DEPTOR: variants seen among roughly 807,000 people sequenced by gnomAD.
DEPTOR encodes DEP domain containing MTOR interacting protein, also known as DEP domain-containing mTOR-interacting protein.
Under a neutral mutation model 41.6 loss-of-function variants are expected in DEPTOR, and 41 were observed. That is an observed-to-expected ratio of 0.98 (90% CI 0.77 to 1.28). The LOEUF (loss-of-function observed/expected upper bound fraction) is 1.28. DEPTOR is among the 50% of genes most tolerant of loss of function. The pLI is 0.00. For synonymous variants in DEPTOR, 195 were observed against 192.3 expected (o/e 1.01, Z -0.12); for missense variants, 514 against 527.9 (o/e 0.97, Z 0.26).
intron 4 of DEPTOR, among the ~76,000 whole-genome samples, chr8:119,966,677 A>G (rs1354200952): frequency 6.6e-6 from 1 of 152,150 alleles, no homozygotes; most frequent in Non-Finnish European, 1.5e-5. Flanking sequence ...GGGATTTGCC[A>G]TGTTGGCCAG....
intron 1 of DEPTOR, among the ~76,000 whole-genome samples, chr8:119,926,204 G>C (rs1395358632): frequency 6.6e-6 from 1 of 151,936 alleles, no homozygotes. Flanking sequence ...TTCCTACCTG[G>C]TCCCTGGCAA....
chr8:119,971,033 A>T (rs1828625541), intron 4 of DEPTOR, among the ~76,000 whole-genome samples: 3 of 152,144 alleles, frequency 2.0e-5, no homozygotes, highest in Admixed American at 2.0e-4. Context: ...GATCGAGACC[A>T]TCCTGGCTAA....
At chr8:119,987,180 G>A (rs1407615862) in intron 4 of DEPTOR, among the ~76,000 whole-genome samples, 1 of 152,000 alleles carries the variant, frequency 6.6e-6, no homozygotes, top group Non-Finnish European at 1.5e-5. Flanking sequence ...ATCTACCTTT[G>A]GTCTTTGATG....
chr8:119,877,646 A>C lies in DEPTOR; in HGVS notation c.122+3678A>C, dbSNP rs370922782. On this transcript the variant is annotated intron_variant, in intron 1 of 8. Coordinates refer to ENST00000286234, the MANE Select transcript of DEPTOR (RefSeq NM_022783.4). ...CAAGGACTGGGATTTGAAATAAAAA[A>C]TTTAGCCTCTAGGCCCAGTTCTATC... 7.2e-5 allele frequency among the ~76,000 whole-genome samples: 11 copies of C among 152,350 alleles called. No individual in the cohort carries two copies. The East Asian group carries it at 1.2e-3, about 16-fold the overall frequency.
At chr8:120,044,821 C>T (rs148739570) in intron 8 of DEPTOR, among the ~76,000 whole-genome samples, 536 of 152,202 alleles carry the variant, frequency 3.5e-3, no homozygotes, top group Middle Eastern at 0.024. Flanking sequence ...TGAGAGGTTG[C>T]CTGCTATTTT....
In DEPTOR at chr8:119,994,933, A is replaced by G. The variant is rs188344320; in HGVS notation, c.605-6592A>G. ...CTCTGTCTCAAAAAAAAAAAAAGGA[A>G]AAAAGAAAAAGAAAAAAAAAAGAAG... On this transcript the variant is annotated intron_variant, in intron 4 of 8. Transcript: ENST00000286234. Among the ~76,000 whole-genome samples, 288 of 151,758 alleles carry G rather than the reference A, an allele frequency of 1.9e-3. 1 individual carries two copies. Among genetic ancestry groups the G allele is most frequent in the Middle Eastern group, 6.8e-3 (2 of 294 alleles).
chr8:120,022,815 C>T (rs951218988), intron 8 of DEPTOR, among the ~76,000 whole-genome samples: 2 of 152,004 alleles, frequency 1.3e-5, no homozygotes, highest in Admixed American at 6.6e-5. Flanking sequence ...GGATTCCAGG[C>T]GTGAGCCACT....
chr8:119,919,965 C>T (rs1827868671), intron 1 of DEPTOR, among the ~76,000 whole-genome samples: 1 of 152,170 alleles, frequency 6.6e-6, no homozygotes, highest in African/African-American at 2.4e-5. Context: ...TGTTTGTTCT[C>T]TTAGGGCTGG....
intron 4 of DEPTOR, among the ~76,000 whole-genome samples, chr8:119,966,342 T>A (rs1001293632): frequency 1.3e-5 from 2 of 152,162 alleles, no homozygotes; most frequent in African/African-American, 4.8e-5. Context: ...GGTGCACGTC[T>A]GTAATCCCGG....
intron 6 of DEPTOR, among the ~76,000 whole-genome samples, chr8:120,006,483 C>T (rs1812439744): frequency 6.6e-6 from 1 of 151,602 alleles, no homozygotes; most frequent in Non-Finnish European, 1.5e-5. Context: ...GAGATCGCAT[C>T]ATTGCACTCC....
At chr8:119,928,026 G>A (rs1351222361) in intron 1 of DEPTOR, among the ~76,000 whole-genome samples, 1 of 152,172 alleles carries the variant, frequency 6.6e-6, no homozygotes, top group Non-Finnish European at 1.5e-5. Flanking sequence ...TAAAGAGGGT[G>A]CACTTTGTTT....
intron 8 of DEPTOR, among the ~76,000 whole-genome samples, chr8:120,032,710 G>A (rs1226207495): frequency 2.0e-5 from 3 of 152,152 alleles, no homozygotes; most frequent in Non-Finnish European, 4.4e-5. Context: ...GCACCTCTGC[G>A]TCTACCTCTC....
chr8:119,910,483 C>T (rs983526687), intron 1 of DEPTOR, among the ~76,000 whole-genome samples: 4 of 151,770 alleles, frequency 2.6e-5, no homozygotes, highest in Admixed American at 6.6e-5. Context: ...GACAGAGTCC[C>T]GCTCTGTCCC....
Position 119,880,722 on chromosome 8 carries a change from T to C in DEPTOR, c.122+6754T>C, listed in dbSNP as rs185936326. ...AATATTAAACTCAATCTTTCTGACA[T>C]GTGGTTTTAAAAAGTGAATTTGGAC... On this transcript the variant is annotated intron_variant, in intron 1 of 8. Coordinates refer to ENST00000286234, the MANE Select transcript of DEPTOR (RefSeq NM_022783.4). Among the ~76,000 whole-genome samples the C allele has an allele frequency of 9.8e-5, 15 of 152,348 alleles. No homozygotes were observed. In the East Asian group the frequency reaches 2.9e-3, roughly 29 times the overall value.
chr8:120,018,345 A>T (rs913826214), intron 8 of DEPTOR, among the ~76,000 whole-genome samples: 2 of 152,200 alleles, frequency 1.3e-5, no homozygotes, highest in African/African-American at 4.8e-5. Flanking sequence ...TGGGAGGCCG[A>T]GGCAGGCGGA....
At chr8:119,923,780 C>T (rs1305072043) in intron 1 of DEPTOR, among the ~76,000 whole-genome samples, 1 of 151,766 alleles carries the variant, frequency 6.6e-6, no homozygotes, top group Non-Finnish European at 1.5e-5. Context: ...GTTCAGACCA[C>T]TTTAAGGAAA....
At chr8:120,023,579 G>A (rs1234116867) in intron 8 of DEPTOR, among the ~76,000 whole-genome samples, 1 of 152,094 alleles carries the variant, frequency 6.6e-6, no homozygotes, top group Non-Finnish European at 1.5e-5. Context: ...AAACATGAGA[G>A]TGTCTTTACT....
intron 3 of DEPTOR, among the ~76,000 whole-genome samples, chr8:119,940,640 G>A (rs895264322): frequency 6.6e-6 from 1 of 152,058 alleles, no homozygotes; most frequent in African/African-American, 2.4e-5. Flanking sequence ...CAGCTACTCA[G>A]GAGGCTGAGG....
intron 4 of DEPTOR, among the ~76,000 whole-genome samples, chr8:119,995,302 G>T (rs1178799490): frequency 6.6e-6 from 1 of 151,980 alleles, no homozygotes; most frequent in African/African-American, 2.4e-5. Context: ...TTTTCTAAAA[G>T]TAGGCCGGGC....
Sources: gnomAD v4.1 joint callset for allele counts (sites outside exome capture counted in the v4.1 genomes callset) on GRCh38, gnomAD v4.1.1 for gene constraint, MANE v1.5 for transcripts, NCBI Gene and HGNC (gene_info 2026-07-23, HGNC 2026-07-21) for gene names.